CAPN7: variants seen among roughly 807,000 people sequenced by gnomAD.
The protein encoded by CAPN7 is calpain-7.
In CAPN7, 72 loss-of-function variants were observed where a neutral mutation model predicts 115.2. The observed-to-expected ratio is 0.63, with a 90% CI of 0.52 to 0.76. The LOEUF (loss-of-function observed/expected upper bound fraction) is 0.76. CAPN7 is among the 30% of genes least tolerant of loss of function. The probability of loss-of-function intolerance (pLI) is 0.00; values close to 1 mark genes in which losing one functional copy is unlikely to be tolerated. For missense variants in CAPN7, 905 were observed against 971.5 expected (o/e 0.93, Z 0.91); for synonymous variants, 344 against 322.3 (o/e 1.07, Z -0.72).
intron 3 of CAPN7, among the ~76,000 whole-genome samples, chr3:15,218,169 C>T (rs1693751984): frequency 6.6e-6 from 1 of 152,138 alleles, no homozygotes; most frequent in African/African-American, 2.4e-5. Flanking sequence ...CTGTAGGTGC[C>T]TTGAGACTAA....
chr3:15,233,795 TG>T (rs1336826227), intron 10 of CAPN7, 71 bp from the exon 11 acceptor site: 3 of 788,274 alleles, frequency 3.8e-6, no homozygotes, highest in Non-Finnish European at 6.6e-6. Flanking sequence ...ATCAGTGAGA[TG>T]TAATAGCTGC....
chr3:15,230,030 A>G (rs986007302), intron 8 of CAPN7, among the ~76,000 whole-genome samples: 2 of 152,208 alleles, frequency 1.3e-5, no homozygotes, highest in Non-Finnish European at 2.9e-5. Context: ...TTGTTGAAGT[A>G]TGTTACTGTA....
Position 15,220,813 on chromosome 3 carries a change from C to G in CAPN7, c.470C>G (p.Pro157Arg), listed in dbSNP as rs929579651. Reference protein sequence around the residue: ...AEALSEPLTKPVGKISSTSVK... With the variant: ...AEALSEPLTKRVGKISSTSVK... ...GCGCTGAGTGAGCCTTTGACCAAGC[C>G]AGTTGGCAAAATCAGTTCAACAAGT... Residue 157 changes from proline (P) to arginine (R), a missense_variant, in exon 5 of 21, where the codon CCA (proline) becomes CGA (arginine). By Grantham distance (103) the Pro-to-Arg change is moderately radical. Coordinates refer to ENST00000253693, the MANE Select transcript of CAPN7 (RefSeq NM_014296.3). 1.9e-6 allele frequency: 3 copies of G among 1,614,024 alleles called. No homozygotes were observed. The African/African-American group carries it at 4.0e-5, about 22-fold the overall frequency.
intron 5 of CAPN7, among the ~76,000 whole-genome samples, chr3:15,222,795 A>T (rs529142398): frequency 2.6e-5 from 4 of 152,366 alleles, no homozygotes; most frequent in African/African-American, 9.6e-5. Context: ...GGCTGTACAT[A>T]GTCCCAACAA....
At chr3:15,211,619 G>C (rs1274028374) in intron 1 of CAPN7, among the ~76,000 whole-genome samples, 1 of 152,104 alleles carries the variant, frequency 6.6e-6, no homozygotes, top group Non-Finnish European at 1.5e-5. Context: ...TTTGGGCCAG[G>C]TGTGGTGGCT....
chr3:15,245,939 T>C, intron 17 of CAPN7: 1 of 243,080 alleles, frequency 4.1e-6, no homozygotes. Flanking sequence ...TAATAATACA[T>C]TTCTTTTTTT....
chr3:15,251,478 GTA>G lies in CAPN7; in HGVS notation c.*223_*224del. 2.6e-6 allele frequency: 1 copy of G among 381,628 alleles called. No individual in the cohort carries two copies. The highest frequency in any genetic ancestry group is 4.7e-6 in the Non-Finnish European group (1 of 215,038). The allele number at this position is 381,628 out of a possible 1,614,324, so 23.6% of individuals were successfully genotyped here. On this transcript the variant is annotated 3_prime_UTR_variant, in exon 21 of 21. Transcript: ENST00000253693. The stretch of plus-strand genomic sequence containing the variant: ...AGAGGTACCGTTTACATGGTTTTGT[GTA>G]TATAGAGTTGGCTTGCATTTTAGGG...
intron 16 of CAPN7, among the ~76,000 whole-genome samples, chr3:15,244,468 T>C (rs1326211303): frequency 2.0e-5 from 3 of 152,188 alleles, no homozygotes; most frequent in African/African-American, 7.2e-5. Context: ...AACTGAAACA[T>C]GGAAAGGTTA....
At chr3:15,233,840 C>T in intron 10 of CAPN7, 27 bp from the exon 11 acceptor site, 1 of 1,161,606 alleles carries the variant, frequency 8.6e-7, no homozygotes, top group Non-Finnish European at 1.3e-6. Context: ...ATGACACTGG[C>T]AGTCCTGAAA....
intron 6 of CAPN7, among the ~76,000 whole-genome samples, chr3:15,224,747 G>GA (rs536531349): frequency 1.3e-5 from 2 of 150,232 alleles, no homozygotes; most frequent in Admixed American, 6.6e-5. Flanking sequence ...TTTATTATTA[G>GA]AAAAAAAAAG....
intron 16 of CAPN7, among the ~76,000 whole-genome samples, chr3:15,243,113 C>A (rs905767671): frequency 1.3e-5 from 2 of 152,074 alleles, no homozygotes; most frequent in Non-Finnish European, 2.9e-5. Flanking sequence ...CAAAAAGGAA[C>A]CAGTCATGCA....
intron 6 of CAPN7, among the ~76,000 whole-genome samples, chr3:15,226,255 G>A (rs1284790785): frequency 6.6e-6 from 1 of 151,796 alleles, no homozygotes; most frequent in Non-Finnish European, 1.5e-5. Context: ...TGTATTTTGG[G>A]TAGAGACTGG....
At chr3:15,218,616 T>C in intron 4 of CAPN7, 76 bp downstream of exon 4, 1 of 1,040,360 alleles carries the variant, frequency 9.6e-7, no homozygotes, top group Non-Finnish European at 1.5e-6. Context: ...AAATGTGTTG[T>C]AAAGGCTGCA....
Position 15,220,895 on chromosome 3 carries a change from C to A in CAPN7, c.552C>A (p.Phe184Leu). The change falls in exon 5 of 21, where the codon TTC becomes TTA. Residue 184 changes from phenylalanine to leucine, a missense_variant. Phe to Leu is a conservative substitution (Grantham distance 22). Around this residue, in one of 3 missense-constraint regions of CAPN7, gnomAD observed 271 missense variants for 239.6 expected, o/e 1.13. Transcript: ENST00000253693. ...RAHFPLGANP[F>L]LERPQSFISP... ...ATTTTCCACTGGGCGCTAATCCCTT[C>A]CTTGAAAGACCTCAGTCATTTATAA... The A allele has an allele frequency of 6.2e-7, 1 of 1,614,156 alleles. No individual in the cohort carries two copies. The highest frequency in any genetic ancestry group is 1.3e-5 in the African/African-American group (1 of 75,048).
At chr3:15,217,086 AAG>A (rs1210609445) in intron 2 of CAPN7, among the ~76,000 whole-genome samples, 1 of 150,212 alleles carries the variant, frequency 6.7e-6, no homozygotes, top group African/African-American at 2.5e-5. Context: ...AAAAAAAAAA[AAG>A]AGAGAAAAAT....
In CAPN7 at chr3:15,251,433, C is replaced by A; in HGVS notation, c.*173C>A. The A allele has an allele frequency of 1.9e-6, 1 of 533,894 alleles. No homozygotes were observed. The highest frequency in any genetic ancestry group is 3.2e-6 in the Non-Finnish European group (1 of 310,300). 33.1% of individuals were successfully genotyped at this position (533,894 alleles called of 1,614,324 possible). Reference sequence around the variant, plus strand: ...GTGTTTGGTAAGAACTGTATATAGTCAGAATTACCTAAATCACCTAGAGGT... The same window carrying A: ...GTGTTTGGTAAGAACTGTATATAGTAAGAATTACCTAAATCACCTAGAGGT... On this transcript the variant is annotated 3_prime_UTR_variant, in exon 21 of 21. Coordinates refer to ENST00000253693, the MANE Select transcript of CAPN7 (RefSeq NM_014296.3).
chr3:15,216,480 C>T (rs994375439), intron 2 of CAPN7, among the ~76,000 whole-genome samples: 1 of 152,020 alleles, frequency 6.6e-6, no homozygotes, highest in Non-Finnish European at 1.5e-5. Context: ...ACTGGGTTGT[C>T]TTTATTGTTG....
chr3:15,224,429 C>T (rs1001503593), intron 6 of CAPN7, among the ~76,000 whole-genome samples: 2 of 151,954 alleles, frequency 1.3e-5, no homozygotes, highest in African/African-American at 4.8e-5. Flanking sequence ...TGCACCATCA[C>T]GCCCAGCTAA....
At position 15,247,243 on chromosome 3, in the gene CAPN7, T is replaced by TC. The variant is rs528042550; in HGVS notation, c.2074-84_2074-83insC. On this transcript the variant is annotated intron_variant, in intron 18 of 20. Coordinates refer to ENST00000253693, the MANE Select transcript of CAPN7 (RefSeq NM_014296.3). ...ACAGAGTGGAAAATTGCCTTTTTTTTTTTTTTGAGATGGAAAGGAGTTTTG... is the reference window on the plus strand; with the variant it reads ...ACAGAGTGGAAAATTGCCTTTTTTTTCTTTTTTGAGATGGAAAGGAGTTTTG... 1.3e-5 allele frequency: 13 copies of TC among 1,027,148 alleles called. No individual in the cohort carries two copies. In the East Asian group the frequency reaches 3.0e-4, roughly 23 times the overall value. The allele number at this position is 1,027,148 out of a possible 1,614,324, so 63.6% of individuals were successfully genotyped here. A position where few individuals can be genotyped will look rare whatever the true frequency, so the allele number is the denominator to read the frequency against.
Sources: allele counts gnomAD v4.1 joint callset (sites outside exome capture counted in the v4.1 genomes callset), GRCh38; gene constraint gnomAD v4.1.1; regional missense constraint gnomAD v4.1.1; transcripts MANE v1.5; gene names NCBI Gene and HGNC (gene_info 2026-07-23, HGNC 2026-07-21).